Variants in CCDC66 observed in about 807,000 individuals in gnomAD.
CCDC66 encodes coiled-coil domain containing 66, also known as coiled-coil domain-containing protein 66.
CCDC66 carries 133 observed loss-of-function variants against 128.3 expected under a neutral mutation model. The observed-to-expected ratio is 1.04, with a 90% CI of 0.90 to 1.20. The LOEUF is 1.20. Among genes scored for constraint, CCDC66 ranks in the 50% most tolerant of loss-of-function variants. The pLI, the probability that CCDC66 is intolerant of heterozygous loss-of-function variation, is 0.00. For missense variants in CCDC66, 1,126 were observed against 1,075.5 expected (o/e 1.05, Z -0.66); for synonymous variants, 387 against 357.0 (o/e 1.08, Z -0.95).
intron 10 of CCDC66, among the ~76,000 whole-genome samples, chr3:56,604,741 A>G (rs1577874623): frequency 6.6e-6 from 1 of 151,778 alleles, no homozygotes; most frequent in East Asian, 1.9e-4. Context: ...GTCTTGGTGA[A>G]TCTGATGATT....
At chr3:56,620,830 T>G (rs2076392449) in intron 17 of CCDC66, 1 of 152,182 alleles carries the variant, frequency 6.6e-6, no homozygotes, top group Admixed American at 6.6e-5. Flanking sequence ...TGTTAGCATC[T>G]AAGGTAAGGT....
At chr3:56,620,091 C>G (rs545318748) in intron 17 of CCDC66, 190 bp downstream of exon 17, 8 of 455,246 alleles carry the variant, frequency 1.8e-5, no homozygotes, top group African/African-American at 9.8e-5. Flanking sequence ...ACACTGCCGT[C>G]TTTGAGTAGT....
chr3:56,564,298 T>C (rs1312384089), intron 4 of CCDC66, 173 bp downstream of exon 4: 8 of 550,796 alleles, frequency 1.5e-5, no homozygotes, highest in Non-Finnish European at 2.2e-5. Flanking sequence ...ATTATTTTTA[T>C]AGTTGTGCCA....
chr3:56,594,902 T>C lies in CCDC66; in HGVS notation c.1404+874T>C, dbSNP rs538484431. Reference sequence around the variant, plus strand: ...ACTTAACAGGCACTATGCTAAGCACTGAGATTATTTCTTCAGTTTTTTTTA... The same window carrying C: ...ACTTAACAGGCACTATGCTAAGCACCGAGATTATTTCTTCAGTTTTTTTTA... On this transcript the variant is annotated intron_variant, in intron 10 of 17. Coordinates refer to ENST00000394672, the MANE Select transcript of CCDC66 (RefSeq NM_001141947.3). Among the ~76,000 whole-genome samples the C allele has an allele frequency of 2.6e-5, 4 of 152,276 alleles. No homozygotes were observed. In the South Asian group the frequency reaches 6.2e-4, roughly 24 times the overall value.
intron 13 of CCDC66, chr3:56,616,411 G>T: frequency 4.3e-6 from 1 of 233,594 alleles, no homozygotes; most frequent in South Asian, 5.1e-5. Flanking sequence ...TCACGTAACT[G>T]GAATTAGACC....
At chr3:56,560,742 C>A in intron 3 of CCDC66, 1 of 373,152 alleles carries the variant, frequency 2.7e-6, no homozygotes. Context: ...CAAAAAAAGC[C>A]AACTGTTTTG....
chr3:56,585,406 A>G (rs1356147993), intron 7 of CCDC66, among the ~76,000 whole-genome samples: 2 of 151,852 alleles, frequency 1.3e-5, no homozygotes. Context: ...TTCAAAAGAG[A>G]TGAAAAATCT....
At chr3:56,595,901 C>T (rs2071804534) in intron 10 of CCDC66, among the ~76,000 whole-genome samples, 1 of 152,038 alleles carries the variant, frequency 6.6e-6, no homozygotes. Flanking sequence ...TAGTTTTTGT[C>T]TTTTGGTATG....
Position 56,586,832 on chromosome 3 carries a change from C to G in CCDC66, c.937-6138C>G, listed in dbSNP as rs1035107506. Among the ~76,000 whole-genome samples, 12 of 151,772 alleles carry G rather than the reference C, an allele frequency of 7.9e-5. No individual in the cohort carries two copies. The Admixed American group carries it at 7.9e-4, about 10-fold the overall frequency. ...GAGGCCAGGGCAGAAGAGTAGCTGC[C>G]TTGAGCCAAGAGTTTGAGACCAGCG... On this transcript the variant is annotated intron_variant, in intron 7 of 17. Transcript: ENST00000394672.
chr3:56,604,650 G>A (rs11920917), intron 10 of CCDC66, among the ~76,000 whole-genome samples: 52,682 of 151,360 alleles, frequency 0.35, 9,938 homozygotes, highest in East Asian at 0.49. Flanking sequence ...AGAGAGATCC[G>A]CTGTTAGTCT....
At chr3:56,589,482 A>G (rs1336630011) in intron 7 of CCDC66, among the ~76,000 whole-genome samples, 2 of 152,202 alleles carry the variant, frequency 1.3e-5, no homozygotes, top group Non-Finnish European at 2.9e-5. Flanking sequence ...AATACAAGAA[A>G]GAATAATAAA....
At chr3:56,597,712 C>T (rs2072265384) in intron 10 of CCDC66, among the ~76,000 whole-genome samples, 1 of 146,584 alleles carries the variant, frequency 6.8e-6, no homozygotes, top group Non-Finnish European at 1.5e-5. Context: ...ATTTTGTATT[C>T]TGCAACTTTA....
At chr3:56,606,961 G>C (rs946618316) in intron 10 of CCDC66, among the ~76,000 whole-genome samples, 4 of 152,066 alleles carry the variant, frequency 2.6e-5, no homozygotes, top group Admixed American at 6.5e-5. Context: ...TAAGTATTTG[G>C]GTTTATTTCT....
chr3:56,582,052 G>A (rs1417952938), intron 7 of CCDC66, among the ~76,000 whole-genome samples: 1 of 151,940 alleles, frequency 6.6e-6, no homozygotes, highest in Non-Finnish European at 1.5e-5. Context: ...TTGAGCTGCG[G>A]TGGGCTCCAC....
chr3:56,619,705 A>G, intron 16 of CCDC66, 72 bp from the exon 17 acceptor site: 2 of 1,555,580 alleles, frequency 1.3e-6, no homozygotes, highest in East Asian at 4.5e-5. Flanking sequence ...ACTCCTGACA[A>G]TATTATATAG....
chr3:56,605,846 T>G (rs2073989914), intron 10 of CCDC66, among the ~76,000 whole-genome samples: 1 of 152,016 alleles, frequency 6.6e-6, no homozygotes, highest in African/African-American at 2.4e-5. Flanking sequence ...GCAGGGACGT[T>G]TAAGTCTGCT....
Position 56,567,100 on chromosome 3 carries a change from T to C in CCDC66, c.814+47T>C, listed in dbSNP as rs370693159. ...ATTATAGTTTTATTGGCTTAAAGAA[T>C]ATGTATTGAAGCCGGGCACGGTGGC... On this transcript the variant is annotated intron_variant, in intron 6 of 17. Transcript: ENST00000394672. 55 of 1,450,942 alleles carry C rather than the reference T, an allele frequency of 3.8e-5. No individual in the cohort carries two copies. The Middle Eastern group carries it at 7.0e-4, about 18-fold the overall frequency. 89.9% of individuals were successfully genotyped at this position (1,450,942 alleles called of 1,614,324 possible).
intron 11 of CCDC66, among the ~76,000 whole-genome samples, chr3:56,614,372 AATT>A (rs2075240927): frequency 6.6e-6 from 1 of 152,174 alleles, no homozygotes; most frequent in African/African-American, 2.4e-5. Flanking sequence ...TTATATCAAT[AATT>A]ATTCTAGGTA....
At chr3:56,621,016 T>TAGCC (rs79035412) in intron 17 of CCDC66, 6,913 of 152,128 alleles carry the variant, frequency 0.045, 158 homozygotes, top group East Asian at 0.09. Context: ...GTTAGTTAGT[T>TAGCC]AGCCAGGCGT....
Sources: gnomAD v4.1 joint callset for allele counts (sites outside exome capture counted in the v4.1 genomes callset) on GRCh38, gnomAD v4.1.1 for gene constraint, MANE v1.5 for transcripts, NCBI Gene and HGNC (gene_info 2026-07-23, HGNC 2026-07-21) for gene names.